AGTPBP1: variants seen among roughly 807,000 people sequenced by gnomAD.
The protein encoded by AGTPBP1 is ATP/GTP binding carboxypeptidase 1.
A neutral mutation model predicts 143.9 loss-of-function variants in AGTPBP1; 70 were observed. That is an observed-to-expected ratio of 0.49 (90% CI 0.40 to 0.59). AGTPBP1 has a LOEUF of 0.59. Among genes scored for constraint, AGTPBP1 ranks in the 20% least tolerant of loss-of-function variants. The pLI is 0.00. For synonymous variants in AGTPBP1, 463 were observed against 500.2 expected (o/e 0.93, Z 0.99); for missense variants, 1,229 against 1,464.5 (o/e 0.84, Z 2.62).
intron 18 of AGTPBP1, among the ~76,000 whole-genome samples, chr9:85,592,919 T>C (rs550599198): frequency 1.3e-5 from 2 of 152,290 alleles, no homozygotes; most frequent in South Asian, 2.1e-4. Context: ...CTGAATTTAC[T>C]AATTAAATGA....
intron 3 of AGTPBP1, among the ~76,000 whole-genome samples, chr9:85,681,610 T>C (rs556955753): frequency 4.6e-5 from 7 of 152,238 alleles, no homozygotes; most frequent in Admixed American, 4.6e-4. Context: ...ATCGATAATA[T>C]AGTACAGGTG....
chr9:85,594,885 A>G (rs1829196877), intron 18 of AGTPBP1, among the ~76,000 whole-genome samples: 2 of 152,238 alleles, frequency 1.3e-5, no homozygotes, highest in Admixed American at 6.5e-5. Flanking sequence ...GAAGCATGAA[A>G]GTAAGAATGC....
chr9:85,580,846 CATG>C (rs1285686923), intron 23 of AGTPBP1, among the ~76,000 whole-genome samples: 1 of 152,118 alleles, frequency 6.6e-6, no homozygotes, highest in Non-Finnish European at 1.5e-5. Context: ...CAGATTCAGA[CATG>C]ATGATCTGGA....
chr9:85,756,295 C>G, the AGTPBP1 span: 2 of 1,490,096 alleles, frequency 1.3e-6, no homozygotes, highest in Non-Finnish European at 1.8e-6. Flanking sequence ...TAAACCACTC[C>G]CCACTCCCCA....
At chr9:85,689,555 T>C (rs1835704830) in intron 3 of AGTPBP1, among the ~76,000 whole-genome samples, 1 of 152,170 alleles carries the variant, frequency 6.6e-6, no homozygotes, top group African/African-American at 2.4e-5. Context: ...TAATGCCACA[T>C]GAATATCTCT....
the AGTPBP1 span, among the ~76,000 whole-genome samples, chr9:85,760,214 T>G: frequency 6.6e-6 from 1 of 152,180 alleles, no homozygotes; most frequent in Non-Finnish European, 1.5e-5. Flanking sequence ...GTACCATTCC[T>G]TCTGAAACTA....
chr9:85,593,514 A>C (rs1247483213), intron 18 of AGTPBP1, among the ~76,000 whole-genome samples: 2 of 152,200 alleles, frequency 1.3e-5, no homozygotes, highest in Non-Finnish European at 2.9e-5. Context: ...TGAACATTGG[A>C]TATTTCATCA....
intron 1 of AGTPBP1, among the ~76,000 whole-genome samples, chr9:85,716,739 C>T (rs1217611810): frequency 2.0e-5 from 3 of 152,178 alleles, no homozygotes; most frequent in Non-Finnish European, 4.4e-5. Context: ...CTTAGTGATC[C>T]TTTTAATACA....
At chr9:85,682,732 G>C (rs946641717) in intron 3 of AGTPBP1, among the ~76,000 whole-genome samples, 2 of 152,158 alleles carry the variant, frequency 1.3e-5, no homozygotes, top group African/African-American at 4.8e-5. Flanking sequence ...CAGATAGTGA[G>C]GCCCTGATTA....
At chr9:85,800,075 G>T in the AGTPBP1 span, among the ~76,000 whole-genome samples, 4 of 152,140 alleles carry the variant, frequency 2.6e-5, no homozygotes, top group African/African-American at 9.7e-5. Context: ...GGGGAAAGGG[G>T]TCTGCCTTAT....
chr9:85,692,292 A>AC (rs1835929072), intron 3 of AGTPBP1, among the ~76,000 whole-genome samples: 1 of 96,290 alleles, frequency 1.0e-5, no homozygotes, highest in African/African-American at 4.1e-5. Flanking sequence ...TTTTTTTTTT[A>AC]TGAGACGGAG....
chr9:85,673,596 T>A (rs535540711), intron 6 of AGTPBP1, among the ~76,000 whole-genome samples: 9 of 151,980 alleles, frequency 5.9e-5, no homozygotes, highest in Non-Finnish European at 1.0e-4. Context: ...GTAAAAAAAA[T>A]TTTAAATAAG....
At chr9:85,793,142 T>A in the AGTPBP1 span, among the ~76,000 whole-genome samples, 1 of 152,204 alleles carries the variant, frequency 6.6e-6, no homozygotes, top group Non-Finnish European at 1.5e-5. Context: ...TGAAAGAGGA[T>A]GTTTTTTACT....
intron 2 of AGTPBP1, among the ~76,000 whole-genome samples, chr9:85,695,542 G>A (rs1836167925): frequency 2.0e-5 from 3 of 152,202 alleles, no homozygotes; most frequent in Admixed American, 2.0e-4. Context: ...AATGAAGGCA[G>A]TGACACCAAA....
At chr9:85,574,463 C>CAAAA (rs4011699) in intron 25 of AGTPBP1, among the ~76,000 whole-genome samples, 1 of 116,132 alleles carries the variant, frequency 8.6e-6, no homozygotes, top group Non-Finnish European at 1.9e-5. Context: ...CAAGAATGAT[C>CAAAA]AAAAAAAAAA....
At chr9:85,613,040 G>A (rs1035293721) in intron 17 of AGTPBP1, among the ~76,000 whole-genome samples, 1 of 151,894 alleles carries the variant, frequency 6.6e-6, no homozygotes, top group African/African-American at 2.4e-5. Flanking sequence ...GAACAAAATG[G>A]ATTAAAATTT....
At position 85,596,884 on chromosome 9, in the gene AGTPBP1, T is replaced by A. The variant is rs572254266; in HGVS notation, c.2336-435A>T. On this transcript the variant is annotated intron_variant, in intron 17 of 25. Transcript: ENST00000357081. ...TTGCTTTCCTCCCCACCGTTCTCCA[T>A]ACATATATGTGTTTGTAGGAGAGAA... 2.0e-5 allele frequency among the ~76,000 whole-genome samples: 3 copies of A among 152,230 alleles called. No individual in the cohort carries two copies. In the South Asian group the frequency reaches 6.2e-4, roughly 32 times the overall value.
At chr9:85,771,134 T>G in the AGTPBP1 span, among the ~76,000 whole-genome samples, 1 of 152,202 alleles carries the variant, frequency 6.6e-6, no homozygotes, top group Non-Finnish European at 1.5e-5. Context: ...GAGATAACTC[T>G]TCTCTGAAAA....
the AGTPBP1 span, among the ~76,000 whole-genome samples, chr9:85,796,767 A>G: frequency 6.6e-6 from 1 of 152,164 alleles, no homozygotes; most frequent in African/African-American, 2.4e-5. Flanking sequence ...ATATACATCT[A>G]CTGTGTATGC....
Sources: gnomAD v4.1 joint callset for allele counts (sites outside exome capture counted in the v4.1 genomes callset) on GRCh38, gnomAD v4.1.1 for gene constraint, MANE v1.5 for transcripts, NCBI Gene and HGNC (gene_info 2026-07-23, HGNC 2026-07-21) for gene names.